Variants in PHLPP2 observed in about 807,000 individuals in gnomAD.
PHLPP2 encodes PH domain and leucine rich repeat protein phosphatase 2.
Under a neutral mutation model 124.9 loss-of-function variants are expected in PHLPP2, and 66 were observed. The ratio of observed to expected loss-of-function variants is 0.53; its 90% CI spans 0.43 to 0.65. PHLPP2 has a LOEUF of 0.65. Among genes scored for constraint, PHLPP2 ranks in the 30% least tolerant of loss-of-function variants. The pLI is 0.00. For synonymous variants in PHLPP2, 681 were observed against 624.7 expected (o/e 1.09, Z -1.34); for missense variants, 1,685 against 1,600.4 (o/e 1.05, Z -0.90).
chr16:71,685,314 G>A lies in PHLPP2; in HGVS notation c.610-713C>T, dbSNP rs76667410. 7.0e-3 allele frequency among the ~76,000 whole-genome samples: 1,059 copies of A among 152,288 alleles called. 6 individuals carry two copies. Among genetic ancestry groups the A allele is most frequent in the Non-Finnish European group, 0.012 (813 of 68,022 alleles). Reference sequence around the variant, plus strand: ...TGCATACCAGTCCAGGCGACAGTGCGAGACTCCGTCTCAAACAAAAAAAGA... The same window carrying A: ...TGCATACCAGTCCAGGCGACAGTGCAAGACTCCGTCTCAAACAAAAAAAGA... On this transcript the variant is annotated intron_variant, in intron 4 of 18. Transcript: ENST00000568954.
In PHLPP2 at chr16:71,702,109, G is replaced by C. The variant is rs1038658059; in HGVS notation, c.418+489C>G. Reference sequence around the variant, plus strand: ...ACTATTATAGTGATAGATGGGTCGTGTTCCTCAAATTCATCTTAAAATATT... The same window carrying C: ...ACTATTATAGTGATAGATGGGTCGTCTTCCTCAAATTCATCTTAAAATATT... On this transcript the variant is annotated intron_variant, in intron 3 of 18. Transcript: ENST00000568954. Among the ~76,000 whole-genome samples the C allele has an allele frequency of 2.0e-5, 3 of 152,216 alleles. No individual in the cohort carries two copies. In the East Asian group the frequency reaches 5.8e-4, roughly 29 times the overall value.
intron 15 of PHLPP2, 85 bp downstream of exon 15, chr16:71,658,145 AATC>A: frequency 9.0e-7 from 1 of 1,108,708 alleles, no homozygotes; most frequent in Non-Finnish European, 1.3e-6. Flanking sequence ...TCTTTTAATT[AATC>A]AAGATCTCCA....
chr16:71,684,832 T>C (rs977910057), intron 4 of PHLPP2, among the ~76,000 whole-genome samples: 13 of 152,178 alleles, frequency 8.5e-5, no homozygotes, highest in African/African-American at 3.1e-4. Context: ...CACCAGCAGC[T>C]GGGTAGCACC....
At chr16:71,678,581 A>T in intron 8 of PHLPP2, 174 bp downstream of exon 8, 2 of 581,800 alleles carry the variant, frequency 3.4e-6, no homozygotes, top group South Asian at 2.1e-5. Context: ...TCAAGACTGC[A>T]GTGGGCCGAG....
chr16:71,686,495 T>G (rs1282602855), intron 4 of PHLPP2, among the ~76,000 whole-genome samples: 1 of 152,058 alleles, frequency 6.6e-6, no homozygotes, highest in African/African-American at 2.4e-5. Flanking sequence ...TTTTTTTAAT[T>G]CACTAAGTAA....
chr16:71,661,833 G>GT (rs960539945), intron 13 of PHLPP2, among the ~76,000 whole-genome samples: 22 of 151,262 alleles, frequency 1.5e-4, no homozygotes, highest in South Asian at 4.2e-4. Flanking sequence ...GTTTTGTTTT[G>GT]TTTTTTTTGA....
intron 8 of PHLPP2, 162 bp downstream of exon 8, chr16:71,678,593 T>C: frequency 1.7e-6 from 1 of 595,332 alleles, no homozygotes. Flanking sequence ...TGGGCCGAGA[T>C]CGTGCCACTG....
intron 3 of PHLPP2, among the ~76,000 whole-genome samples, chr16:71,690,922 C>T (rs1477166164): frequency 6.6e-6 from 1 of 152,116 alleles, no homozygotes; most frequent in Non-Finnish European, 1.5e-5. Flanking sequence ...CAAAATTGTA[C>T]TTTGGATGCC....
chr16:71,687,807 C>G (rs2045067949), intron 4 of PHLPP2, among the ~76,000 whole-genome samples: 1 of 152,156 alleles, frequency 6.6e-6, no homozygotes. Flanking sequence ...ATTATTTTTT[C>G]AGATATTATT....
chr16:71,723,824 G>C, intron 1 of PHLPP2: 6 of 1,253,640 alleles, frequency 4.8e-6, no homozygotes, highest in Middle Eastern at 3.2e-4. Context: ...GGGCGGCTCC[G>C]GGGGCTCCAG....
chr16:71,686,016 G>A (rs12924258), intron 4 of PHLPP2, among the ~76,000 whole-genome samples: 50,820 of 152,062 alleles, frequency 0.33, 9,393 homozygotes, highest in East Asian at 0.76. Context: ...TGAGGCAGGA[G>A]AACTGCTTGA....
intron 9 of PHLPP2, among the ~76,000 whole-genome samples, chr16:71,674,822 C>T (rs1223347902): frequency 6.6e-6 from 1 of 152,132 alleles, no homozygotes; most frequent in East Asian, 1.9e-4. Context: ...TATGGTGAAA[C>T]CATGTCTCTA....
chr16:71,654,556 G>C (rs1320053086), intron 17 of PHLPP2, among the ~76,000 whole-genome samples: 3 of 152,206 alleles, frequency 2.0e-5, no homozygotes, highest in Non-Finnish European at 4.4e-5. Context: ...GATCACAAGG[G>C]TAAACAACCA....
intron 1 of PHLPP2, among the ~76,000 whole-genome samples, chr16:71,716,197 C>T (rs1295421893): frequency 6.6e-6 from 1 of 152,172 alleles, no homozygotes; most frequent in Non-Finnish European, 1.5e-5. Flanking sequence ...ACTTTATCCA[C>T]TCTCCTGTTG....
chr16:71,687,831 CCT>C (rs1385879222), intron 4 of PHLPP2, among the ~76,000 whole-genome samples: 1 of 152,148 alleles, frequency 6.6e-6, no homozygotes, highest in Non-Finnish European at 1.5e-5. Context: ...CTTTTCTCTT[CCT>C]CTCTCTTCTC....
At chr16:71,694,921 A>G (rs1284808747) in intron 3 of PHLPP2, among the ~76,000 whole-genome samples, 2 of 151,914 alleles carry the variant, frequency 1.3e-5, no homozygotes, top group Admixed American at 1.3e-4. Context: ...AGTAGCTGGG[A>G]CTACAGGCGC....
In PHLPP2 at chr16:71,648,786, A is replaced by AC; in HGVS notation, c.*103_*104insG. ...ACTCCGTCTCAAAACAAACAAACAA[A>AC]AAAAAAACGAACAAACAAAAAGAAA... On this transcript the variant is annotated 3_prime_UTR_variant, in exon 19 of 19. Coordinates refer to ENST00000568954, the MANE Select transcript of PHLPP2 (RefSeq NM_015020.3). 2 of 893,534 alleles carry AC rather than the reference A, an allele frequency of 2.2e-6. No homozygotes were observed. The highest frequency in any genetic ancestry group is 3.2e-5 in the South Asian group (2 of 61,878). 55.4% of individuals were successfully genotyped at this position (893,534 alleles called of 1,614,324 possible).
At chr16:71,667,398 C>T (rs755839577) in intron 11 of PHLPP2, 65 bp from the exon 12 acceptor site, 1 of 1,280,774 alleles carries the variant, frequency 7.8e-7, no homozygotes, top group Non-Finnish European at 1.1e-6. Flanking sequence ...CTGAGGCTGT[C>T]CTAGCCTATT....
rs141562063 is a variant in PHLPP2 at position 71,664,027 on chromosome 16, C to T, written c.1857G>A (p.Leu619=). 1 of 1,613,850 alleles carries T rather than the reference C, an allele frequency of 6.2e-7. No homozygotes were observed. Among genetic ancestry groups the T allele is most frequent in the African/African-American group, 1.3e-5 (1 of 74,914 alleles). Residue 619 remains leucine, a synonymous_variant, in exon 13 of 19, where the codon TTG becomes TTA. Coordinates refer to ENST00000568954, the MANE Select transcript of PHLPP2 (RefSeq NM_015020.3). Reference sequence around the variant, plus strand: ...TCAGATAAAGCAGCTGCAGCATACTCAAACTCTCCTCTCCAGTGCAGGCGG... The same window carrying T: ...TCAGATAAAGCAGCTGCAGCATACTTAAACTCTCCTCTCCAGTGCAGGCGG... ...LPSACTGEES[L]SMLQLLYLTN...
Sources: allele counts gnomAD v4.1 joint callset (sites outside exome capture counted in the v4.1 genomes callset), GRCh38; gene constraint gnomAD v4.1.1; transcripts MANE v1.5; gene names NCBI Gene and HGNC (gene_info 2026-07-23, HGNC 2026-07-21).